Variants in SEPTIN11 observed in about 807,000 individuals in gnomAD.
SEPTIN11 encodes the protein septin-11.
SEPTIN11 carries 25 observed loss-of-function variants against 51.4 expected under a neutral mutation model. That is an observed-to-expected ratio of 0.49 (90% CI 0.35 to 0.68). The LOEUF (loss-of-function observed/expected upper bound fraction) is 0.68. SEPTIN11 is among the 30% of genes least tolerant of loss of function. The probability of loss-of-function intolerance (pLI) is 0.00; values close to 1 mark genes in which losing one functional copy is unlikely to be tolerated. For synonymous variants in SEPTIN11, 174 were observed against 184.1 expected (o/e 0.95, Z 0.44); for missense variants, 381 against 520.8 (o/e 0.73, Z 2.61).
At position 76,977,053 on chromosome 4, in the gene SEPTIN11, A is replaced by C. The variant is rs151156227; in HGVS notation, c.28-19372A>C. On this transcript the variant is annotated intron_variant, in intron 1 of 9. Transcript: ENST00000264893. The stretch of plus-strand genomic sequence containing the variant: ...ATAACATGGAATGAGGTAGAGAAAG[A>C]AGAGTATAGTGTTCTAAAGAAAGCA... Among the ~76,000 whole-genome samples the C allele has an allele frequency of 4.9e-3, 748 of 152,288 alleles. 10 individuals carry two copies. The highest frequency in any genetic ancestry group is 4.9e-3 in the Non-Finnish European group (332 of 68,038).
At chr4:76,998,113 G>T (rs1723859982) in intron 2 of SEPTIN11, among the ~76,000 whole-genome samples, 1 of 152,134 alleles carries the variant, frequency 6.6e-6, no homozygotes, top group Non-Finnish European at 1.5e-5. Context: ...CCTGTTAGAT[G>T]TGTAAAGCAG....
chr4:77,003,308 G>T (rs953870780), intron 2 of SEPTIN11, among the ~76,000 whole-genome samples: 5 of 152,180 alleles, frequency 3.3e-5, no homozygotes, highest in African/African-American at 1.2e-4. Context: ...CAGGGCCATG[G>T]ATGTAAAGGA....
intron 1 of SEPTIN11, among the ~76,000 whole-genome samples, chr4:76,992,262 T>C (rs997395904): frequency 6.6e-6 from 1 of 152,234 alleles, no homozygotes; most frequent in Non-Finnish European, 1.5e-5. Flanking sequence ...ATTCTCAATT[T>C]CCACCTCTTA....
rs1253832332 is a variant in SEPTIN11, at chr4:76,996,440, A to C, written c.43A>C (p.Asn15His). 1 of 1,614,020 alleles carries C rather than the reference A, an allele frequency of 6.2e-7. No individual in the cohort carries two copies. Among genetic ancestry groups the C allele is most frequent in the Non-Finnish European group, 8.5e-7 (1 of 1,179,898 alleles). The change falls in exon 2 of 10, where the codon AAC becomes CAC. Residue 15 changes from asparagine to histidine, a missense_variant. Around this residue, in one of 2 missense-constraint regions of SEPTIN11, gnomAD observed 184 missense variants for 207.7 expected, o/e 0.89. Transcript: ENST00000264893. ...VGRPSNEELR[N>H]LSLSGHVGFD... is the part of the protein sequence containing the mutation. ...GAAATTGCAGAATGAAGAGCTTCGA[A>C]ACTTGTCTTTGTCTGGCCATGTGGG...
intron 3 of SEPTIN11, among the ~76,000 whole-genome samples, chr4:77,010,758 A>C (rs1724805357): frequency 6.6e-6 from 1 of 152,226 alleles, no homozygotes; most frequent in Non-Finnish European, 1.5e-5. Flanking sequence ...TCGGAAAGGC[A>C]ATAAAGTTTG....
intron 1 of SEPTIN11, among the ~76,000 whole-genome samples, chr4:76,964,812 T>G (rs1177949201): frequency 2.6e-5 from 4 of 152,250 alleles, no homozygotes; most frequent in African/African-American, 9.6e-5. Context: ...ATCATTGAGC[T>G]TTATTGAATA....
chr4:76,978,083 A>C (rs560395126), intron 1 of SEPTIN11, among the ~76,000 whole-genome samples: 1 of 152,312 alleles, frequency 6.6e-6, no homozygotes, highest in South Asian at 2.1e-4. Flanking sequence ...GAGACTTGAT[A>C]ATCCTTGCTC....
At position 77,011,779 on chromosome 4, in the gene SEPTIN11, A is replaced by G; in HGVS notation, c.383A>G (p.Tyr128Cys). 6.2e-7 allele frequency: 1 copy of G among 1,614,166 alleles called. No individual in the cohort carries two copies. The highest frequency in any genetic ancestry group is 8.5e-7 in the Non-Finnish European group (1 of 1,179,992). Residue 128 changes from tyrosine to cysteine, a missense_variant, in exon 4 of 10, where the codon TAC becomes TGC. This residue lies in a region of SEPTIN11 where 184 missense variants were observed against 207.7 expected (regional missense o/e 0.89). Coordinates refer to ENST00000264893, the MANE Select transcript of SEPTIN11 (RefSeq NM_018243.4). ...VEYIDAQFEA[Y>C]LQEELKIKRS... The stretch of plus-strand genomic sequence containing the variant: ...TATATTGATGCCCAGTTCGAGGCCT[A>G]CCTGCAAGAGGAATTGAAGATTAAA...
chr4:76,951,992 A>T (rs1399193191), intron 1 of SEPTIN11, among the ~76,000 whole-genome samples: 1 of 152,234 alleles, frequency 6.6e-6, no homozygotes, highest in African/African-American at 2.4e-5. Context: ...CTAAAGACAG[A>T]AGACTTTTCT....
intron 1 of SEPTIN11, chr4:76,972,527 G>C (rs1722294810): frequency 6.6e-6 from 1 of 152,024 alleles, no homozygotes; most frequent in African/African-American, 2.4e-5. Flanking sequence ...GAGCACTCAG[G>C]AATCCAGCCT....
At chr4:77,010,565 T>C (rs1724790085) in intron 3 of SEPTIN11, among the ~76,000 whole-genome samples, 1 of 152,128 alleles carries the variant, frequency 6.6e-6, no homozygotes, top group Admixed American at 6.5e-5. Flanking sequence ...TATGACTGCT[T>C]TCAGTTTTGC....
intron 1 of SEPTIN11, among the ~76,000 whole-genome samples, chr4:76,954,443 T>C (rs1353515250): frequency 6.6e-6 from 1 of 152,246 alleles, no homozygotes; most frequent in Non-Finnish European, 1.5e-5. Flanking sequence ...AGATCTACTT[T>C]ACAATATAAT....
chr4:76,949,759 T>C lies in SEPTIN11; in HGVS notation c.-145T>C, dbSNP rs1023334271. 75 of 811,724 alleles carry C rather than the reference T, an allele frequency of 9.2e-5. No individual in the cohort carries two copies. Among genetic ancestry groups the C allele is most frequent in the Non-Finnish European group, 7.4e-6 (4 of 540,626 alleles). The allele number at this position is 811,724 out of a possible 1,614,324, so 50.3% of individuals were successfully genotyped here. On this transcript the variant is annotated 5_prime_UTR_variant, in exon 1 of 10. An upstream start codon of the reference 5' UTR is lost. Transcript: ENST00000264893. ...GGGGCGGCGGCGTGGGGGGAGCAGATGCCGCTGGCTGCCAGCGGGACGCCG... is the reference window on the plus strand; with the variant it reads ...GGGGCGGCGGCGTGGGGGGAGCAGACGCCGCTGGCTGCCAGCGGGACGCCG...
intron 2 of SEPTIN11, among the ~76,000 whole-genome samples, chr4:77,004,949 C>G (rs543381219): frequency 1.1e-3 from 167 of 152,024 alleles, no homozygotes; most frequent in African/African-American, 3.9e-3. Flanking sequence ...GGGGACAGAG[C>G]GAGACTCTGT....
intron 1 of SEPTIN11, among the ~76,000 whole-genome samples, chr4:76,974,276 A>G (rs1328575357): frequency 6.6e-6 from 1 of 152,124 alleles, no homozygotes; most frequent in African/African-American, 2.4e-5. Flanking sequence ...TCTTAAAATT[A>G]TCCCCCTTTG....
intron 2 of SEPTIN11, 66 bp from the exon 3 acceptor site, chr4:77,005,535 G>A: frequency 7.3e-7 from 1 of 1,370,164 alleles, no homozygotes; most frequent in Non-Finnish European, 1.0e-6. Context: ...AAAAAATACT[G>A]ATGAATTGAA....
rs750940433 is a variant in SEPTIN11, at chr4:76,949,871, C to G, written c.-33C>G. 2 of 1,514,040 alleles carry G rather than the reference C, an allele frequency of 1.3e-6. No individual in the cohort carries two copies. Among genetic ancestry groups the G allele is most frequent in the Non-Finnish European group, 1.8e-6 (2 of 1,136,140 alleles). 93.8% of individuals were successfully genotyped at this position (1,514,040 alleles called of 1,614,324 possible). On this transcript the variant is annotated 5_prime_UTR_variant, in exon 1 of 10. Coordinates refer to ENST00000264893, the MANE Select transcript of SEPTIN11 (RefSeq NM_018243.4). ...AGCAGCCGGAGTCGGCGTAAAGCAC[C>G]CGGGCGCAGCCGGAGCCGGTGCCGC...
intron 1 of SEPTIN11, among the ~76,000 whole-genome samples, chr4:76,968,066 T>C (rs1408685968): frequency 6.6e-6 from 1 of 152,116 alleles, no homozygotes. Flanking sequence ...CGCAAAAACA[T>C]ATGCTATATA....
At chr4:76,985,326 G>A (rs2017051) in intron 1 of SEPTIN11, among the ~76,000 whole-genome samples, 80,045 of 152,060 alleles carry the variant, frequency 0.53, 21,713 homozygotes, top group Middle Eastern at 0.61. Context: ...GCTTTGTACA[G>A]TTTTTGGATT....
Sources: allele counts gnomAD v4.1 joint callset (sites outside exome capture counted in the v4.1 genomes callset), GRCh38; gene constraint gnomAD v4.1.1; regional missense constraint gnomAD v4.1.1; transcripts MANE v1.5; gene names NCBI Gene and HGNC (gene_info 2026-07-23, HGNC 2026-07-21).